Variants in MED12L observed in about 807,000 individuals in gnomAD.
The protein encoded by MED12L is mediator complex subunit 12L.
In MED12L, 60 loss-of-function variants were observed where a neutral mutation model predicts 281.3. The observed-to-expected ratio is 0.21, with a 90% CI of 0.17 to 0.26. MED12L has a LOEUF of 0.26. Ranked by LOEUF, MED12L falls within the 10% of genes least tolerant of loss-of-function variation. The pLI is 1.00. For synonymous variants in MED12L, 974 were observed against 987.2 expected (o/e 0.99, Z 0.25); for missense variants, 2,146 against 2,680.9 (o/e 0.80, Z 4.41).
At chr3:151,400,100 T>G (rs984596401) in intron 39 of MED12L, among the ~76,000 whole-genome samples, 7 of 152,092 alleles carry the variant, frequency 4.6e-5, no homozygotes, top group African/African-American at 1.7e-4. Context: ...GTGCTGGGAT[T>G]ATAGGCGCGA....
chr3:151,302,115 G>T (rs1746011853), intron 16 of MED12L, among the ~76,000 whole-genome samples: 1 of 152,192 alleles, frequency 6.6e-6, no homozygotes, highest in Non-Finnish European at 1.5e-5. Flanking sequence ...AAAACGTTTT[G>T]CATGAGAAAG....
chr3:151,432,939 CACA>C lies in MED12L; in HGVS notation c.*137_*139del. On this transcript the variant is annotated 3_prime_UTR_variant, in exon 45 of 45. Transcript: ENST00000687756. The stretch of plus-strand genomic sequence containing the variant: ...TTTTACTATATTTTATGCTACATCT[CACA>C]AAAAAAAAAAAAGGTGTTTAAACAA... The C allele has an allele frequency of 8.3e-6, 4 of 481,876 alleles. No homozygotes were observed. The highest frequency in any genetic ancestry group is 3.0e-5 in the African/African-American group (1 of 33,290). 29.9% of individuals were successfully genotyped at this position (481,876 alleles called of 1,614,324 possible). A position where few individuals can be genotyped will look rare whatever the true frequency, so the allele number is the denominator to read the frequency against.
intron 16 of MED12L, among the ~76,000 whole-genome samples, chr3:151,339,349 A>G (rs963348673): frequency 6.6e-6 from 1 of 152,016 alleles, no homozygotes; most frequent in African/African-American, 2.4e-5. Context: ...ATTGCCTGTT[A>G]GAATCCTAAA....
intron 25 of MED12L, among the ~76,000 whole-genome samples, chr3:151,368,619 TATTTTATTTTATTTCATTTCATTTC>T (rs1755629117): frequency 1.7e-4 from 14 of 80,688 alleles, no homozygotes; most frequent in Admixed American, 4.0e-4. Context: ...TATTTTATTT[TATTTTATTTTATTTCATTTCATTTC>T]ATTTCATTTC....
intron 16 of MED12L, among the ~76,000 whole-genome samples, chr3:151,257,173 G>T (rs1168521112): frequency 2.6e-5 from 4 of 152,152 alleles, no homozygotes; most frequent in African/African-American, 9.6e-5. Context: ...AAGTGACCTC[G>T]CCTGGAAAGC....
In MED12L at chr3:151,156,288, G is replaced by A. The variant is rs1302123785; in HGVS notation, c.684G>A (p.Lys228=). The change falls in exon 6 of 45, where the codon AAG becomes AAA. Residue 228 remains lysine, a synonymous_variant. Transcript: ENST00000687756. The part of the protein sequence containing the change: ...PVPPEVEQAM[K]QWEYNEKLAF... Reference sequence around the variant, plus strand: ...CACCAGAGGTGGAGCAAGCCATGAAGCAATGGGAATACAACGAAAAGCTAG... The same window carrying A: ...CACCAGAGGTGGAGCAAGCCATGAAACAATGGGAATACAACGAAAAGCTAG... 1 of 1,612,654 alleles carries A rather than the reference G, an allele frequency of 6.2e-7. No homozygotes were observed. Among genetic ancestry groups the A allele is most frequent in the Non-Finnish European group, 8.5e-7 (1 of 1,179,536 alleles).
chr3:151,280,619 T>C (rs1386962294), intron 16 of MED12L, among the ~76,000 whole-genome samples: 2 of 152,024 alleles, frequency 1.3e-5, no homozygotes, highest in African/African-American at 4.8e-5. Flanking sequence ...TGCACTGTAT[T>C]GGGCTTGTGA....
rs573419924 is a variant in MED12L at position 151,151,031 on chromosome 3, C to CTTTT, written c.557-5110_557-5107dup. Among the ~76,000 whole-genome samples the CTTTT allele has an allele frequency of 1.6e-3, 53 of 32,876 alleles. 15 individuals carry two copies. Among genetic ancestry groups the CTTTT allele is most frequent in the Admixed American group, 3.6e-3 (9 of 2,494 alleles). The allele number at this position is 32,876 out of a possible 152,430, so 21.6% of individuals were successfully genotyped here. ...ATCATTTGTATGACTGCTGAAGTAGCTTTTTTTTTTTTTTTTTTTTTTTGA... is the reference window on the plus strand; with the variant it reads ...ATCATTTGTATGACTGCTGAAGTAGCTTTTTTTTTTTTTTTTTTTTTTTTTTTGA... On this transcript the variant is annotated intron_variant, in intron 5 of 44. Transcript: ENST00000687756.
intron 16 of MED12L, among the ~76,000 whole-genome samples, chr3:151,208,640 T>C (rs1454720288): frequency 6.6e-6 from 1 of 152,128 alleles, no homozygotes; most frequent in African/African-American, 2.4e-5. Flanking sequence ...ATCACGCCAC[T>C]GCACTCCAGC....
rs565212246 is a variant in MED12L at position 151,087,886 on chromosome 3, T to G, written c.99+861T>G. Reference sequence around the variant, plus strand: ...CACCATTTGCCCAGGGACTTGCCTTTTTTTTGTTTTTTTTTTGATCACCTG... The same window carrying G: ...CACCATTTGCCCAGGGACTTGCCTTGTTTTTGTTTTTTTTTTGATCACCTG... On this transcript the variant is annotated intron_variant, in intron 2 of 44. Coordinates refer to ENST00000687756, the MANE Select transcript of MED12L (RefSeq NM_001393769.1). 6.9e-4 allele frequency among the ~76,000 whole-genome samples: 104 copies of G among 149,888 alleles called. 1 individual carries two copies. In the South Asian group the frequency reaches 0.015, roughly 21 times the overall value.
chr3:151,089,846 G>A (rs1719794336), intron 2 of MED12L, among the ~76,000 whole-genome samples: 3 of 152,280 alleles, frequency 2.0e-5, no homozygotes, highest in African/African-American at 7.2e-5. Context: ...CAGGGAATCA[G>A]AAAACTGGCA....
intron 16 of MED12L, among the ~76,000 whole-genome samples, chr3:151,270,549 T>C (rs770715842): frequency 1.8e-4 from 28 of 152,286 alleles, no homozygotes; most frequent in South Asian, 4.1e-4. Context: ...TGTATTATGC[T>C]CAGAACACTG....
chr3:151,196,361 CTGTT>C (rs1314727807), intron 16 of MED12L, among the ~76,000 whole-genome samples: 2 of 152,098 alleles, frequency 1.3e-5, no homozygotes, highest in Non-Finnish European at 2.9e-5. Context: ...ATGCTACTGT[CTGTT>C]TTTTTTCCCT....
intron 16 of MED12L, among the ~76,000 whole-genome samples, chr3:151,274,744 C>T (rs1254307399): frequency 1.3e-5 from 2 of 152,160 alleles, no homozygotes; most frequent in African/African-American, 4.8e-5. Flanking sequence ...AGATTGTTGT[C>T]ATAATTGAAT....
intron 16 of MED12L, among the ~76,000 whole-genome samples, chr3:151,222,836 T>C (rs1365029676): frequency 6.6e-6 from 1 of 152,194 alleles, no homozygotes; most frequent in African/African-American, 2.4e-5. Context: ...ATATTTTTGT[T>C]GTAGTCGGGA....
intron 16 of MED12L, among the ~76,000 whole-genome samples, chr3:151,307,822 G>C (rs576871365): frequency 6.6e-6 from 1 of 152,224 alleles, no homozygotes. Context: ...GTGTTGCTTT[G>C]CTGGCCTAGT....
At chr3:151,290,199 A>G (rs968610982) in intron 16 of MED12L, among the ~76,000 whole-genome samples, 6 of 152,140 alleles carry the variant, frequency 3.9e-5, no homozygotes, top group Admixed American at 1.3e-4. Context: ...CTCTAACATA[A>G]TTCAAAGAGA....
chr3:151,363,351 A>C (rs1332817816), intron 21 of MED12L, among the ~76,000 whole-genome samples: 4 of 152,200 alleles, frequency 2.6e-5, no homozygotes, highest in Non-Finnish European at 5.9e-5. Flanking sequence ...AACAACTTTA[A>C]TAATTTTATC....
chr3:151,314,383 A>T (rs1747958604), intron 16 of MED12L, among the ~76,000 whole-genome samples: 1 of 152,186 alleles, frequency 6.6e-6, no homozygotes, highest in African/African-American at 2.4e-5. Context: ...GTCTTTCACC[A>T]TTGGCCTGAA....
Sources: gnomAD v4.1 joint callset for allele counts (sites outside exome capture counted in the v4.1 genomes callset) on GRCh38, gnomAD v4.1.1 for gene constraint, MANE v1.5 for transcripts, NCBI Gene and HGNC (gene_info 2026-07-23, HGNC 2026-07-21) for gene names.